Variants in CNTN4 observed in about 807,000 individuals in gnomAD.
CNTN4 encodes contactin-4.
Under a neutral mutation model 122.5 loss-of-function variants are expected in CNTN4, and 77 were observed. The ratio of observed to expected loss-of-function variants is 0.63; its 90% CI spans 0.52 to 0.76. The LOEUF is 0.76. Among genes scored for constraint, CNTN4 ranks in the 30% least tolerant of loss-of-function variants. CNTN4 has a pLI of 0.00. For missense variants in CNTN4, 1,256 were observed against 1,259.1 expected, an observed-to-expected ratio of 1.00 and a Z score of 0.04; for synonymous variants, 512 against 447.0, an observed-to-expected ratio of 1.15 and a Z score of -1.83.
At chr3:3,000,421 T>C (rs1295242770) in intron 14 of CNTN4, among the ~76,000 whole-genome samples, 2 of 152,150 alleles carry the variant, frequency 1.3e-5, no homozygotes, top group Non-Finnish European at 2.9e-5. Flanking sequence ...GTCAGTGTTT[T>C]CAAACATTTA....
At chr3:2,354,041 G>A (rs1194972419) in intron 3 of CNTN4, among the ~76,000 whole-genome samples, 4 of 152,054 alleles carry the variant, frequency 2.6e-5, no homozygotes, top group East Asian at 1.9e-4. Context: ...TTCTTATGAC[G>A]TAACCTAAAG....
chr3:2,750,069 C>T (rs77778946), intron 6 of CNTN4, among the ~76,000 whole-genome samples: 137 of 152,274 alleles, frequency 9.0e-4, no homozygotes, highest in African/African-American at 2.9e-3. Flanking sequence ...CATTAAAGGT[C>T]TCCTGGCCTG....
chr3:2,838,439 G>A (rs762918037), intron 7 of CNTN4, among the ~76,000 whole-genome samples: 16 of 151,718 alleles, frequency 1.1e-4, no homozygotes, highest in Non-Finnish European at 1.9e-4. Context: ...AGCATTCCAG[G>A]ATAAATTAAT....
chr3:2,331,582 C>T (rs2043722888), intron 2 of CNTN4, among the ~76,000 whole-genome samples: 1 of 152,062 alleles, frequency 6.6e-6, no homozygotes, highest in African/African-American at 2.4e-5. Context: ...ATGAAGTGCA[C>T]CTGATAGCAA....
chr3:2,970,032 A>G (rs917960299), intron 13 of CNTN4, among the ~76,000 whole-genome samples: 14 of 151,988 alleles, frequency 9.2e-5, no homozygotes, highest in African/African-American at 2.9e-4. Context: ...TTCACATATA[A>G]CTTTTGACTC....
chr3:2,898,828 G>A (rs1026530682), intron 10 of CNTN4, among the ~76,000 whole-genome samples: 1 of 152,164 alleles, frequency 6.6e-6, no homozygotes, highest in South Asian at 2.1e-4. Context: ...ACTCTGTAGG[G>A]GTCAATATTC....
intron 3 of CNTN4, among the ~76,000 whole-genome samples, chr3:2,548,353 A>G (rs911052041): frequency 6.6e-6 from 1 of 152,132 alleles, no homozygotes; most frequent in African/African-American, 2.4e-5. Flanking sequence ...ATTTTTGTAT[A>G]AGGTATAAGG....
chr3:2,902,022 T>A (rs77131503), intron 11 of CNTN4, among the ~76,000 whole-genome samples: 2,768 of 152,244 alleles, frequency 0.018, 76 homozygotes, highest in African/African-American at 0.064. Context: ...AAACAGGTAA[T>A]TATCATTTCT....
At chr3:2,571,619 A>G in intron 4 of CNTN4, 61 bp downstream of exon 4, 1 of 1,223,856 alleles carries the variant, frequency 8.2e-7, no homozygotes, top group South Asian at 1.2e-5. Context: ...CACTAATTCA[A>G]AAGTGGGCCT....
intron 6 of CNTN4, among the ~76,000 whole-genome samples, chr3:2,787,539 C>G (rs74848106): frequency 0.045 from 6,789 of 152,176 alleles, 220 homozygotes; most frequent in Non-Finnish European, 0.07. Context: ...GAACTTTTTA[C>G]AAGGTAATAA....
chr3:2,711,595 G>A (rs903825214), intron 4 of CNTN4, among the ~76,000 whole-genome samples: 1 of 152,074 alleles, frequency 6.6e-6, no homozygotes, highest in Non-Finnish European at 1.5e-5. Flanking sequence ...ACAAAAAGGG[G>A]GTTTCCATCA....
chr3:2,535,789 C>A (rs2077780329), intron 3 of CNTN4, among the ~76,000 whole-genome samples: 2 of 151,694 alleles, frequency 1.3e-5, no homozygotes, highest in South Asian at 4.2e-4. Context: ...TTTTTTTGTC[C>A]ATGCATGTTT....
chr3:2,287,773 A>AAGAAGG (rs879483619), intron 2 of CNTN4, among the ~76,000 whole-genome samples: 1 of 147,872 alleles, frequency 6.8e-6, no homozygotes. Flanking sequence ...GAAGAAGAAG[A>AAGAAGG]AGAAGGAGAA....
At chr3:2,114,451 C>T (rs887315652) in intron 2 of CNTN4, among the ~76,000 whole-genome samples, 3 of 152,024 alleles carry the variant, frequency 2.0e-5, no homozygotes, top group African/African-American at 7.2e-5. Flanking sequence ...CAGAGCAAGA[C>T]CTTGTCTCAA....
intron 3 of CNTN4, among the ~76,000 whole-genome samples, chr3:2,438,026 CA>C (rs1460363477): frequency 3.3e-5 from 5 of 152,142 alleles, no homozygotes; most frequent in African/African-American, 1.2e-4. Flanking sequence ...GCCCTGCCTC[CA>C]GCCAGAGTGG....
intron 2 of CNTN4, among the ~76,000 whole-genome samples, chr3:2,135,012 C>T (rs2034622452): frequency 6.6e-6 from 1 of 152,150 alleles, no homozygotes; most frequent in Non-Finnish European, 1.5e-5. Flanking sequence ...ATAAAATTGA[C>T]CATCACAGCC....
At chr3:2,444,960 C>A (rs1246587947) in intron 3 of CNTN4, among the ~76,000 whole-genome samples, 5 of 151,768 alleles carry the variant, frequency 3.3e-5, no homozygotes, top group Non-Finnish European at 7.4e-5. Flanking sequence ...ACCTCACATG[C>A]CTGAAATGCC....
At chr3:2,423,611 T>C (rs1384486721) in intron 3 of CNTN4, among the ~76,000 whole-genome samples, 1 of 152,100 alleles carries the variant, frequency 6.6e-6, no homozygotes, top group African/African-American at 2.4e-5. Flanking sequence ...AAATTTGCTC[T>C]GGTTTTGCTA....
chr3:2,751,203 G>T (rs186874805), intron 6 of CNTN4, among the ~76,000 whole-genome samples: 1 of 152,092 alleles, frequency 6.6e-6, no homozygotes, highest in Non-Finnish European at 1.5e-5. Context: ...AGCTACTCGG[G>T]AGGCTGAGGC....
Sources: gnomAD v4.1 joint callset for allele counts (sites outside exome capture counted in the v4.1 genomes callset) on GRCh38, gnomAD v4.1.1 for gene constraint, MANE v1.5 for transcripts, NCBI Gene and HGNC (gene_info 2026-07-23, HGNC 2026-07-21) for gene names.